Variants in TBC1D23 observed in about 807,000 individuals in gnomAD.
The protein encoded by TBC1D23 is TBC1 domain family member 23, also known as HCV non-structural protein 4A-transactivated protein 1.
In TBC1D23, 55 loss-of-function variants were observed where a neutral mutation model predicts 91.4. The observed-to-expected ratio is 0.60, with a 90% CI of 0.48 to 0.75. The LOEUF (loss-of-function observed/expected upper bound fraction) is 0.75. Ranked by LOEUF, TBC1D23 falls within the 30% of genes least tolerant of loss-of-function variation. The pLI is 0.00. For missense variants in TBC1D23, 725 were observed against 836.1 expected (o/e 0.87, Z 1.64); for synonymous variants, 289 against 281.0 (o/e 1.03, Z -0.28).
rs145726321 is a variant in TBC1D23, at chr3:100,320,938, G to A, written c.1985G>A (p.Ser662Asn). The change falls in exon 18 of 19, where the codon AGT becomes AAT. Residue 662 changes from serine (S) to asparagine (N), a missense_variant. By Grantham distance (46) the Ser-to-Asn change is conservative. Coordinates refer to ENST00000394144, the MANE Select transcript of TBC1D23 (RefSeq NM_001199198.3). ...ATTACCTTCAAGTATGGAAATAGCA[G>A]TGCTTCAGGAATAGAAATCTTGGCA... The part of the protein sequence containing the change: ...ELITFKYGNS[S>N]ASGIEILAIE... 5 of 1,601,098 alleles carry A rather than the reference G, an allele frequency of 3.1e-6. No homozygotes were observed. The African/African-American group carries it at 5.4e-5, about 17-fold the overall frequency.
intron 14 of TBC1D23, 100 bp from the exon 15 acceptor site, chr3:100,311,733 C>G: frequency 1.3e-6 from 1 of 783,820 alleles, no homozygotes; most frequent in Non-Finnish European, 2.1e-6. Context: ...AATGTACACT[C>G]TGGGTGAGAA....
Position 100,290,621 on chromosome 3 carries a change from C to T in TBC1D23, c.520C>T (p.Leu174Phe). ...GAGACCATTTCATCTCTTCAGGTTG[C>T]TCATCCAATACCATGAGCCTGAGCT... ...KGRPFHLFRL[L>F]IQYHEPELCS... is the part of the protein sequence containing the mutation. Residue 174 changes from leucine to phenylalanine, a missense_variant, in exon 5 of 19, where the codon CTC becomes TTC. Transcript: ENST00000394144. The T allele has an allele frequency of 6.2e-7, 1 of 1,613,850 alleles. No individual in the cohort carries two copies. The highest frequency in any genetic ancestry group is 8.5e-7 in the Non-Finnish European group (1 of 1,179,796).
chr3:100,323,571 T>C lies in TBC1D23; in HGVS notation c.2019-16T>C. On this transcript the variant is annotated splice_polypyrimidine_tract_variant and intron_variant, in intron 18 of 18. Transcript: ENST00000394144. ...TATATATATATGTATATATATGTATTTTTTTTCCCCCTTAGGTATTTGATT... is the reference window on the plus strand; with the variant it reads ...TATATATATATGTATATATATGTATCTTTTTTCCCCCTTAGGTATTTGATT... 1 of 1,369,138 alleles carries C rather than the reference T, an allele frequency of 7.3e-7. No individual in the cohort carries two copies. Among genetic ancestry groups the C allele is most frequent in the Non-Finnish European group, 9.7e-7 (1 of 1,036,198 alleles). The allele number at this position is 1,369,138 out of a possible 1,614,324, so 84.8% of individuals were successfully genotyped here.
At chr3:100,262,741 A>AAG (rs2067523331) in intron 1 of TBC1D23, among the ~76,000 whole-genome samples, 1 of 151,444 alleles carries the variant, frequency 6.6e-6, no homozygotes, top group South Asian at 2.1e-4. Context: ...AAAAAAAAAA[A>AAG]AAAACACTAA....
chr3:100,291,530 C>T (rs2067790003), intron 5 of TBC1D23, among the ~76,000 whole-genome samples: 1 of 151,214 alleles, frequency 6.6e-6, no homozygotes, highest in South Asian at 2.1e-4. Flanking sequence ...TTGCAGTGAG[C>T]CGAGATTGCA....
rs575658784 is a variant in TBC1D23, at chr3:100,270,157, C to CT, written c.53+9095dup. 5.1e-3 allele frequency among the ~76,000 whole-genome samples: 775 copies of CT among 151,926 alleles called. 2 individuals carry two copies. The highest frequency in any genetic ancestry group is 6.4e-3 in the Non-Finnish European group (433 of 67,936). ...CATGTAAGCTACATAAGAGCATTGA[C>CT]TTTTTTTTTCTGTACTGCATCCCCT... On this transcript the variant is annotated intron_variant, in intron 1 of 18. Transcript: ENST00000394144.
At chr3:100,316,318 G>A (rs950284128) in intron 16 of TBC1D23, 131 bp downstream of exon 16, 1 of 694,298 alleles carries the variant, frequency 1.4e-6, no homozygotes, top group Non-Finnish European at 2.5e-6. Context: ...GAGAATCTGT[G>A]GCTTTCTATT....
chr3:100,314,123 G>A (rs934346669), intron 15 of TBC1D23, among the ~76,000 whole-genome samples: 3 of 96,166 alleles, frequency 3.1e-5, no homozygotes, highest in Admixed American at 1.6e-4. Context: ...TTTTGTGACC[G>A]AGTCTTGCTC....
chr3:100,276,119 T>C (rs2067646766), intron 1 of TBC1D23, among the ~76,000 whole-genome samples: 1 of 151,466 alleles, frequency 6.6e-6, no homozygotes, highest in African/African-American at 2.4e-5. Flanking sequence ...GAACTAAGTC[T>C]CGTTTCTTGT....
At chr3:100,300,498 ATTT>A (rs66553332) in intron 10 of TBC1D23, among the ~76,000 whole-genome samples, 8 of 125,420 alleles carry the variant, frequency 6.4e-5, no homozygotes, top group Admixed American at 8.6e-5. Flanking sequence ...ACTTGAATTA[ATTT>A]TTTTTTTTTT....
In TBC1D23 at chr3:100,324,842, A is replaced by G. The variant is rs1705923342; in HGVS notation, c.*1174A>G. 1 of 152,224 alleles carries G rather than the reference A, an allele frequency of 6.6e-6. No homozygotes were observed. The highest frequency in any genetic ancestry group is 1.5e-5 in the Non-Finnish European group (1 of 68,036). The allele number at this position is 152,224 out of a possible 1,614,324, so 9.4% of individuals were successfully genotyped here. ...GAAGTTGCAATACCCACAATCTGAC[A>G]TGTCCTAAAATGTAAGGGATTATCT... On this transcript the variant is annotated 3_prime_UTR_variant, in exon 19 of 19. Transcript: ENST00000394144.
At chr3:100,296,312 A>G (rs773152003) in intron 8 of TBC1D23, 37 bp downstream of exon 8, 3 of 1,157,010 alleles carry the variant, frequency 2.6e-6, no homozygotes, top group Non-Finnish European at 1.3e-6. Flanking sequence ...GTTGTATTTC[A>G]TATTTTGTAC....
At chr3:100,295,048 C>T (rs1457036890) in intron 5 of TBC1D23, 39 bp from the exon 6 acceptor site, 3 of 1,528,934 alleles carry the variant, frequency 2.0e-6, no homozygotes, top group Non-Finnish European at 1.7e-6. Context: ...CAAGTCACCT[C>T]CAGTGGTTTA....
At chr3:100,286,309 GA>G (rs2067741382) in intron 4 of TBC1D23, among the ~76,000 whole-genome samples, 1 of 152,172 alleles carries the variant, frequency 6.6e-6, no homozygotes. Flanking sequence ...GAATGGTGGT[GA>G]TGGTAGTTAG....
intron 5 of TBC1D23, among the ~76,000 whole-genome samples, chr3:100,292,952 T>C (rs1288098637): frequency 6.6e-6 from 1 of 152,056 alleles, no homozygotes; most frequent in Non-Finnish European, 1.5e-5. Context: ...ATCTACCTAT[T>C]TATGTTAAGG....
intron 13 of TBC1D23, among the ~76,000 whole-genome samples, chr3:100,308,380 CAGG>C (rs1315940149): frequency 1.3e-5 from 2 of 151,644 alleles, no homozygotes; most frequent in Non-Finnish European, 2.9e-5. Context: ...GAGGCTGAGG[CAGG>C]AGAATGGTGT....
intron 12 of TBC1D23, among the ~76,000 whole-genome samples, chr3:100,306,168 A>C (rs1179833237): frequency 1.3e-5 from 2 of 152,232 alleles, no homozygotes; most frequent in South Asian, 4.1e-4. Flanking sequence ...TCAAAGAAGA[A>C]AACGTAAAGC....
chr3:100,265,862 A>T (rs1443830188), intron 1 of TBC1D23, among the ~76,000 whole-genome samples: 1 of 152,204 alleles, frequency 6.6e-6, no homozygotes, highest in Non-Finnish European at 1.5e-5. Flanking sequence ...GAATTGTTTG[A>T]GAATAATATT....
chr3:100,288,214 C>T (rs928815740), intron 4 of TBC1D23, among the ~76,000 whole-genome samples: 3 of 150,978 alleles, frequency 2.0e-5, no homozygotes, highest in East Asian at 1.9e-4. Flanking sequence ...CCACTACACT[C>T]CAGCCTGGGC....
Sources: gnomAD v4.1 joint callset for allele counts (sites outside exome capture counted in the v4.1 genomes callset) on GRCh38, gnomAD v4.1.1 for gene constraint, MANE v1.5 for transcripts, NCBI Gene and HGNC (gene_info 2026-07-23, HGNC 2026-07-21) for gene names.